Variants in INSL6 observed in about 807,000 individuals in gnomAD.
INSL6 encodes the protein insulin-like peptide INSL6.
INSL6 carries 16 observed loss-of-function variants against 9.4 expected under a neutral mutation model. That is an observed-to-expected ratio of 1.70 (90% CI 1.15 to 2.59). INSL6 has a LOEUF of 2.59. INSL6 is among the 30% of genes most tolerant of loss of function. The pLI is 0.00. For missense variants in INSL6, 391 were observed against 257.3 expected, an observed-to-expected ratio of 1.52 and a Z score of -3.56; for synonymous variants, 154 against 96.9, an observed-to-expected ratio of 1.59 and a Z score of -3.46.
At chr9:5,177,075 C>CG (rs1825325459) in intron 1 of INSL6, among the ~76,000 whole-genome samples, 1 of 151,932 alleles carries the variant, frequency 6.6e-6, no homozygotes. Flanking sequence ...TCAATGGGGT[C>CG]GGGGGGAGTT....
the INSL6 span, among the ~76,000 whole-genome samples, chr9:5,012,552 G>T: frequency 8.3e-3 from 1,261 of 152,178 alleles, 8 homozygotes; most frequent in Middle Eastern, 0.017. Context: ...CATTAAGGGA[G>T]GCAACCCAGC....
At chr9:5,076,138 T>C in the INSL6 span, among the ~76,000 whole-genome samples, 1 of 152,144 alleles carries the variant, frequency 6.6e-6, no homozygotes, top group Non-Finnish European at 1.5e-5. Flanking sequence ...GCAGAGAAAG[T>C]GGTTTCTTAA....
chr9:5,124,714 T>C (rs567371778), intron 3 of INSL6, among the ~76,000 whole-genome samples: 9 of 151,708 alleles, frequency 5.9e-5, no homozygotes, highest in South Asian at 4.1e-4. Context: ...AACAAACACA[T>C]AGATCAATGG....
intron 2 of INSL6, among the ~76,000 whole-genome samples, chr9:5,156,673 G>T (rs898453023): frequency 6.6e-6 from 1 of 152,048 alleles, no homozygotes; most frequent in Non-Finnish European, 1.5e-5. Context: ...GGAAGTCCTA[G>T]GCAATGCAAT....
the INSL6 span, among the ~76,000 whole-genome samples, chr9:5,006,729 A>G: frequency 6.6e-6 from 1 of 152,216 alleles, no homozygotes; most frequent in Non-Finnish European, 1.5e-5. Flanking sequence ...GCGTAAATCC[A>G]TCCCATGACC....
At chr9:5,005,117 TTTTTTTTTTTTTTTTA>T in the INSL6 span, among the ~76,000 whole-genome samples, 14 of 61,426 alleles carry the variant, frequency 2.3e-4, no homozygotes, top group South Asian at 5.3e-4. Flanking sequence ...TTTTTTTTTT[TTTTTTTTTTTTTTTTA>T]GGTACAGGGT....
downstream of INSL6, among the ~76,000 whole-genome samples, chr9:5,159,111 T>A (rs562903572): frequency 6.6e-6 from 1 of 152,172 alleles, no homozygotes; most frequent in South Asian, 2.1e-4. Flanking sequence ...GCAAGCCTCA[T>A]GGTAACCTAA....
the INSL6 span, among the ~76,000 whole-genome samples, chr9:5,026,696 G>C: frequency 2.0e-5 from 3 of 152,108 alleles, no homozygotes; most frequent in Admixed American, 2.0e-4. Flanking sequence ...TCACGTGATT[G>C]TTGTGTTTGT....
chr9:5,064,536 AAAAAGAAAAAAGG>A, the INSL6 span, among the ~76,000 whole-genome samples: 1 of 152,092 alleles, frequency 6.6e-6, no homozygotes, highest in African/African-American at 2.4e-5. Context: ...AAAAAAAAAA[AAAAAGAAAAAAGG>A]AAATGCTCAT....
chr9:5,042,066 G>A, the INSL6 span: 3 of 232,162 alleles, frequency 1.3e-5, no homozygotes, highest in South Asian at 5.4e-5. Context: ...GGTCTTGGCC[G>A]GCGGCCCCAT....
At position 5,184,928 on chromosome 9, in the gene INSL6, A is replaced by G. The variant is rs935563230; in HGVS notation, c.289+386T>C. Reference sequence around the variant, plus strand: ...TAGCCAATGACGACAGTCAAATACAACTATGTGCTAGATACTGTGGTAGAA... The same window carrying G: ...TAGCCAATGACGACAGTCAAATACAGCTATGTGCTAGATACTGTGGTAGAA... On this transcript the variant is annotated intron_variant, in intron 1 of 1. Coordinates refer to ENST00000381641, the MANE Select transcript of INSL6 (RefSeq NM_007179.3). Among the ~76,000 whole-genome samples, 4 of 152,210 alleles carry G rather than the reference A, an allele frequency of 2.6e-5. No individual in the cohort carries two copies. The East Asian group carries it at 7.7e-4, about 29-fold the overall frequency.
chr9:5,134,523 G>C (rs569791670), intron 2 of INSL6, among the ~76,000 whole-genome samples: 1 of 152,188 alleles, frequency 6.6e-6, no homozygotes, highest in Non-Finnish European at 1.5e-5. Flanking sequence ...CCAGAAGAGA[G>C]TGGGGGCCAA....
chr9:5,034,099 G>C, the INSL6 span, among the ~76,000 whole-genome samples: 2 of 151,922 alleles, frequency 1.3e-5, no homozygotes, highest in East Asian at 3.9e-4. Flanking sequence ...TCCTAGTCTC[G>C]GATAAAACAG....
chr9:5,045,875 C>G, the INSL6 span, among the ~76,000 whole-genome samples: 47 of 152,066 alleles, frequency 3.1e-4, no homozygotes, highest in East Asian at 6.9e-3. Context: ...TCCTTGAGTC[C>G]CTGTTTTCAG....
At chr9:5,063,300 A>G in the INSL6 span, among the ~76,000 whole-genome samples, 1 of 152,156 alleles carries the variant, frequency 6.6e-6, no homozygotes, top group South Asian at 2.1e-4. Context: ...AAAGTAGTGG[A>G]CTTCTCAATA....
At chr9:5,090,433 T>A in the INSL6 span, 7 of 1,522,764 alleles carry the variant, frequency 4.6e-6, no homozygotes, top group Admixed American at 2.0e-5. Flanking sequence ...TATTTCCACC[T>A]TTATGTTAAA....
chr9:5,170,010 A>C (rs747703321), intron 1 of INSL6, among the ~76,000 whole-genome samples: 5 of 152,198 alleles, frequency 3.3e-5, no homozygotes, highest in Admixed American at 6.5e-5. Flanking sequence ...CTCTGGATCA[A>C]ATGGACCTGA....
chr9:5,100,746 A>G, the INSL6 span: 1 of 152,238 alleles, frequency 6.6e-6, no homozygotes, highest in Non-Finnish European at 1.5e-5. Flanking sequence ...TACCTTAGGT[A>G]TTTACTTCAC....
the INSL6 span, chr9:5,114,139 C>A: frequency 2.5e-6 from 1 of 392,190 alleles, no homozygotes. Flanking sequence ...CAAGGTAACA[C>A]CTTTGAGGAC....
Sources: allele counts gnomAD v4.1 joint callset (sites outside exome capture counted in the v4.1 genomes callset), GRCh38; gene constraint gnomAD v4.1.1; transcripts MANE v1.5; gene names NCBI Gene and HGNC (gene_info 2026-07-23, HGNC 2026-07-21).